Variants in HMGXB4 observed in about 807,000 individuals in gnomAD.
The protein encoded by HMGXB4 is HMG domain-containing protein 4.
Under a neutral mutation model 63.9 loss-of-function variants are expected in HMGXB4, and 27 were observed. That is an observed-to-expected ratio of 0.42 (90% confidence interval 0.31 to 0.58). HMGXB4 has a LOEUF of 0.58. Among genes scored for constraint, HMGXB4 ranks in the 20% least tolerant of loss-of-function variants. HMGXB4 has a pLI of 0.13. For synonymous variants in HMGXB4, 264 were observed against 265.3 expected (o/e 0.99, Z 0.05); for missense variants, 624 against 700.7 (o/e 0.89, Z 1.24).
intron 1 of HMGXB4, among the ~76,000 whole-genome samples, chr22:35,259,923 C>A (rs996814027): frequency 2.0e-5 from 3 of 152,220 alleles, no homozygotes; most frequent in Non-Finnish European, 2.9e-5. Flanking sequence ...TGGCCTGTGC[C>A]TCTGAGAAGC....
At chr22:35,279,699 T>TTTTTTTTTG (rs144948164) in intron 5 of HMGXB4, among the ~76,000 whole-genome samples, 5 of 108,154 alleles carry the variant, frequency 4.6e-5, no homozygotes, top group Non-Finnish European at 7.9e-5. Context: ...TTTTTTTTTT[T>TTTTTTTTTG]GGCATGTGGA....
At chr22:35,259,466 C>T (rs966676972) in intron 1 of HMGXB4, among the ~76,000 whole-genome samples, 1 of 152,126 alleles carries the variant, frequency 6.6e-6, no homozygotes, top group Non-Finnish European at 1.5e-5. Context: ...TTCATTAATC[C>T]TCACAATCTA....
In HMGXB4 at chr22:35,288,215, C is replaced by T. The variant is rs779655653; in HGVS notation, c.1469-23C>T. 2.8e-6 allele frequency: 4 copies of T among 1,429,876 alleles called. No homozygotes were observed. The South Asian group carries it at 6.6e-5, about 23-fold the overall frequency. 88.6% of individuals were successfully genotyped at this position (1,429,876 alleles called of 1,614,324 possible). On this transcript the variant is annotated intron_variant, in intron 8 of 10. Transcript: ENST00000216106. ...AAGGCTGTAGGCAAGTTTTACCTGTCTGCCTCATTGCTCTGTTCTCAGCCT... is the reference window on the plus strand; with the variant it reads ...AAGGCTGTAGGCAAGTTTTACCTGTTTGCCTCATTGCTCTGTTCTCAGCCT...
upstream of HMGXB4, among the ~76,000 whole-genome samples, chr22:35,252,631 A>G (rs933478785): frequency 6.6e-6 from 1 of 152,260 alleles, no homozygotes; most frequent in Non-Finnish European, 1.5e-5. Flanking sequence ...TGAAGAATAA[A>G]TAGGAGCTTT....
Position 35,294,937 on chromosome 22 carries a change from TAAAG to T in HMGXB4, c.*1289_*1292del, listed in dbSNP as rs1309691165. 2.0e-5 allele frequency: 3 copies of T among 152,216 alleles called. No homozygotes were observed. The highest frequency in any genetic ancestry group is 4.4e-5 in the Non-Finnish European group (3 of 68,040). 9.4% of individuals were successfully genotyped at this position (152,216 alleles called of 1,614,324 possible). The stretch of plus-strand genomic sequence containing the variant: ...ATTGTGTTAGGATTCTAATTCTTTA[TAAAG>T]AACTTCATGGGCTTCAATAATGTCT... On this transcript the variant is annotated 3_prime_UTR_variant, in exon 11 of 11. Transcript: ENST00000216106.
At chr22:35,267,154 A>AT (rs1555887418) in intron 5 of HMGXB4, among the ~76,000 whole-genome samples, 14 of 146,278 alleles carry the variant, frequency 9.6e-5, no homozygotes, top group Non-Finnish European at 1.8e-4. Flanking sequence ...GTGTATATAT[A>AT]ATATATATAA....
intron 1 of HMGXB4, 173 bp from the exon 2 acceptor site, chr22:35,262,150 C>T: frequency 1.9e-6 from 1 of 516,706 alleles, no homozygotes; most frequent in Non-Finnish European, 3.5e-6. Context: ...TAGTATACTT[C>T]CTGCAGTATC....
intron 8 of HMGXB4, among the ~76,000 whole-genome samples, chr22:35,287,948 CA>C (rs879944527): frequency 6.0e-4 from 84 of 139,384 alleles, no homozygotes; most frequent in African/African-American, 1.3e-3. Flanking sequence ...AACTCCATCT[CA>C]AAAAAAAAAA....
intron 5 of HMGXB4, among the ~76,000 whole-genome samples, chr22:35,268,966 A>G (rs961583292): frequency 6.6e-6 from 1 of 152,226 alleles, no homozygotes. Context: ...ATTAACGTCT[A>G]AACTCCCATA....
At chr22:35,248,389 G>A in the HMGXB4 span, among the ~76,000 whole-genome samples, 7 of 151,576 alleles carry the variant, frequency 4.6e-5, no homozygotes, top group South Asian at 1.5e-3. Context: ...CAATGGGCAG[G>A]GGAGGTCGGG....
chr22:35,257,887 C>T (rs1922538796), intron 1 of HMGXB4, among the ~76,000 whole-genome samples: 1 of 152,032 alleles, frequency 6.6e-6, no homozygotes, highest in Non-Finnish European at 1.5e-5. Context: ...CGGGCCGTCT[C>T]CGCCCTCGGG....
At chr22:35,286,236 G>C (rs1379587509) in intron 7 of HMGXB4, among the ~76,000 whole-genome samples, 175 bp downstream of exon 7, 1 of 152,252 alleles carries the variant, frequency 6.6e-6, no homozygotes, top group Non-Finnish European at 1.5e-5. Context: ...CACTGTACAT[G>C]AGGATTTAGC....
intron 8 of HMGXB4, among the ~76,000 whole-genome samples, chr22:35,287,672 G>A (rs1924676634): frequency 6.6e-6 from 1 of 151,738 alleles, no homozygotes; most frequent in Admixed American, 6.6e-5. Flanking sequence ...GAGTAGACCA[G>A]GCGCAGTGGC....
intron 5 of HMGXB4, among the ~76,000 whole-genome samples, chr22:35,273,715 C>A (rs915644428): frequency 6.6e-6 from 1 of 152,178 alleles, no homozygotes; most frequent in Non-Finnish European, 1.5e-5. Flanking sequence ...TCTGTGATTA[C>A]ATCACATATT....
intron 2 of HMGXB4, 83 bp from the exon 3 acceptor site, chr22:35,262,995 C>A: frequency 8.0e-7 from 1 of 1,250,762 alleles, no homozygotes; most frequent in Non-Finnish European, 1.2e-6. Context: ...AATAGAGGAA[C>A]TGTTGCATTA....
chr22:35,290,711 C>T lies in HMGXB4; in HGVS notation c.1639-2281C>T, dbSNP rs193115591. On this transcript the variant is annotated intron_variant, in intron 9 of 10. Transcript: ENST00000216106. Reference sequence around the variant, plus strand: ...TTCTCCCTCTAATCCACTTTTGGCCCGAATTTAATCATTTGCATAGATCTC... The same window carrying T: ...TTCTCCCTCTAATCCACTTTTGGCCTGAATTTAATCATTTGCATAGATCTC... Among the ~76,000 whole-genome samples, 14 of 151,792 alleles carry T rather than the reference C, an allele frequency of 9.2e-5. No homozygotes were observed. The South Asian group carries it at 1.0e-3, about 11-fold the overall frequency.
At chr22:35,247,154 T>G in the HMGXB4 span, among the ~76,000 whole-genome samples, 3 of 152,330 alleles carry the variant, frequency 2.0e-5, no homozygotes, top group Admixed American at 1.3e-4. Context: ...CACTGGATAT[T>G]TGTATTCCTA....
chr22:35,265,026 A>G lies in HMGXB4; in HGVS notation c.638A>G (p.Tyr213Cys). 6.2e-7 allele frequency: 1 copy of G among 1,613,956 alleles called. No individual in the cohort carries two copies. The highest frequency in any genetic ancestry group is 8.5e-7 in the Non-Finnish European group (1 of 1,179,858). Residue 213 changes from tyrosine to cysteine, a missense_variant, in exon 5 of 11, where the codon TAT becomes TGT. Around this residue, in one of 2 missense-constraint regions of HMGXB4, gnomAD observed 472 missense variants for 470.6 expected, o/e 1.00. Transcript: ENST00000216106. Reference sequence around the variant, plus strand: ...TCTGTTGATGAGGAGTCTTTTCAATATCCCTCCCAACAAGCGACTGTGAAA... The same window carrying G: ...TCTGTTGATGAGGAGTCTTTTCAATGTCCCTCCCAACAAGCGACTGTGAAA... ...SSSVDEESFQ[Y>C]PSQQATVKKS...
At chr22:35,269,946 C>G (rs1180737028) in intron 5 of HMGXB4, among the ~76,000 whole-genome samples, 1 of 151,690 alleles carries the variant, frequency 6.6e-6, no homozygotes, top group African/African-American at 2.4e-5. Context: ...CCACTGCACT[C>G]TAACCTGGTT....
Sources: allele counts gnomAD v4.1 joint callset (sites outside exome capture counted in the v4.1 genomes callset), GRCh38; gene constraint gnomAD v4.1.1; regional missense constraint gnomAD v4.1.1; transcripts MANE v1.5; gene names NCBI Gene and HGNC (gene_info 2026-07-23, HGNC 2026-07-21).